The following VIRMA variants were observed in gnomAD, a reference collection of about 807,000 sequenced individuals.
VIRMA encodes the protein vir like m6A methyltransferase associated, also known as protein virilizer homolog.
A neutral mutation model predicts 182.4 loss-of-function variants in VIRMA; 65 were observed. The observed-to-expected ratio is 0.36, with a 90% CI of 0.29 to 0.44. VIRMA has a LOEUF of 0.44. VIRMA is among the 20% of genes least tolerant of loss of function. VIRMA has a pLI of 1.00. For missense variants in VIRMA, 1,752 were observed against 2,158.1 expected (o/e 0.81, Z 3.73); for synonymous variants, 709 against 743.1 (o/e 0.95, Z 0.75).
intron 4 of VIRMA, among the ~76,000 whole-genome samples, chr8:94,536,455 T>C (rs912648727): frequency 2.6e-5 from 4 of 152,212 alleles, no homozygotes; most frequent in African/African-American, 9.7e-5. Flanking sequence ...AAAGGAGAAA[T>C]ATGAAATATG....
intron 11 of VIRMA, among the ~76,000 whole-genome samples, chr8:94,512,758 C>T (rs897152611): frequency 6.6e-6 from 1 of 152,114 alleles, no homozygotes; most frequent in Non-Finnish European, 1.5e-5. Context: ...GCCTGGGTGA[C>T]ACAGTGAAAC....
intron 16 of VIRMA, 123 bp from the exon 17 acceptor site, chr8:94,499,629 A>T (rs1037518257): frequency 1.7e-5 from 11 of 641,790 alleles, no homozygotes; most frequent in Non-Finnish European, 2.7e-5. Context: ...AAATGCTAAG[A>T]AGTACTTTGG....
chr8:94,494,088 C>T (rs1036250326), intron 20 of VIRMA, among the ~76,000 whole-genome samples: 2 of 140,052 alleles, frequency 1.4e-5, no homozygotes, highest in African/African-American at 2.6e-5. Flanking sequence ...TTTCCCTGTT[C>T]TATACCCCGT....
chr8:94,495,736 G>A lies in VIRMA; in HGVS notation c.4539C>T (p.Asn1513=). The A allele has an allele frequency of 6.2e-7, 1 of 1,612,276 alleles. No homozygotes were observed. Among genetic ancestry groups the A allele is most frequent in the East Asian group, 2.2e-5 (1 of 44,794 alleles). ...SAPESLQNLF[N]NRTAYVLADV... is the part of the protein sequence containing the mutation. Reference sequence around the variant, plus strand: ...TAAAACATTGTGTATTTTACCTATTGTTAAACAGATTCTGAAGAGATTCTG... The same window carrying A: ...TAAAACATTGTGTATTTTACCTATTATTAAACAGATTCTGAAGAGATTCTG... The change falls in exon 19 of 24, where the codon AAC becomes AAT. Residue 1513 remains asparagine, a synonymous_variant. Coordinates refer to ENST00000297591, the MANE Select transcript of VIRMA (RefSeq NM_015496.5).
At position 94,519,402 on chromosome 8, in the gene VIRMA, C is replaced by G. The variant is rs1330219052; in HGVS notation, c.2096G>C (p.Gly699Ala). ...AACATCTTTTGTGGCTTGCAGCACA[C>G]CAGGGTGAGCACTTGTTACTGGAAT... ...LSIPVTSAHP[G>A]VLQATKDVLK... The change falls in exon 9 of 24, where the codon GGT (glycine) becomes GCT (alanine). Residue 699 changes from glycine (G) to alanine (A), a missense_variant. By Grantham distance (60) the Gly-to-Ala change is moderately conservative. Coordinates refer to ENST00000297591, the MANE Select transcript of VIRMA (RefSeq NM_015496.5). 1 of 1,546,558 alleles carries G rather than the reference C, an allele frequency of 6.5e-7. No individual in the cohort carries two copies. The highest frequency in any genetic ancestry group is 1.4e-5 in the African/African-American group (1 of 72,508).
At chr8:94,535,040 A>C (rs749898645) in intron 4 of VIRMA, 33 bp from the exon 5 acceptor site, 2 of 1,551,554 alleles carry the variant, frequency 1.3e-6, no homozygotes, top group East Asian at 2.3e-5. Context: ...AAAATCTTTC[A>C]AAGTCATGTT....
At chr8:94,520,986 G>T (rs777987044) in intron 8 of VIRMA, among the ~76,000 whole-genome samples, 59 of 152,028 alleles carry the variant, frequency 3.9e-4, no homozygotes, top group Non-Finnish European at 6.6e-4. Flanking sequence ...CTGGACTCAA[G>T]TGATCCTTTT....
At chr8:94,523,731 C>G (rs1814855773) in intron 8 of VIRMA, among the ~76,000 whole-genome samples, 1 of 151,550 alleles carries the variant, frequency 6.6e-6, no homozygotes. Context: ...TGGGTTCAAG[C>G]GATTCTCCTG....
At chr8:94,511,811 A>C in intron 12 of VIRMA, 82 bp from the exon 13 acceptor site, 1 of 784,990 alleles carries the variant, frequency 1.3e-6, no homozygotes, top group East Asian at 3.3e-5. Context: ...GTGAATATTT[A>C]ATATTTATGA....
intron 7 of VIRMA, among the ~76,000 whole-genome samples, chr8:94,527,839 T>G (rs1212872230): frequency 2.0e-5 from 3 of 152,206 alleles, no homozygotes; most frequent in Non-Finnish European, 2.9e-5. Context: ...CATTGTAGAT[T>G]CGTTTTATAA....
In VIRMA at chr8:94,509,832, T is replaced by G. The variant is rs754621892; in HGVS notation, c.3735A>C (p.Leu1245=). 6.2e-7 allele frequency: 1 copy of G among 1,614,072 alleles called. No homozygotes were observed. The highest frequency in any genetic ancestry group is 8.5e-7 in the Non-Finnish European group (1 of 1,179,960). ...CATCACCTTTAATAGTTCCATTAAT[T>G]AGATGCAAAATAGCTAATTTACAAG... is the stretch of plus-strand genomic sequence containing the variant. ...HKACKLAILH[L]INGTIKGDER... Residue 1245 remains leucine, a synonymous_variant, in exon 15 of 24, where the codon CTA becomes CTC. Coordinates refer to ENST00000297591, the MANE Select transcript of VIRMA (RefSeq NM_015496.5).
rs142487634 is a variant in VIRMA at position 94,540,546 on chromosome 8, C to T, written c.180-2200G>A. ...GTGGTACGATCTCAGCTCACCACAA[C>T]CTCCGCCTCTCAGGTTCAAGTGATC... On this transcript the variant is annotated intron_variant, in intron 2 of 23. Coordinates refer to ENST00000297591, the MANE Select transcript of VIRMA (RefSeq NM_015496.5). Among the ~76,000 whole-genome samples, 551 of 149,728 alleles carry T rather than the reference C, an allele frequency of 3.7e-3. 4 individuals are homozygous for T. The highest frequency in any genetic ancestry group is 6.3e-3 in the Non-Finnish European group (427 of 67,640).
At chr8:94,506,395 T>C (rs1814154978) in intron 16 of VIRMA, 105 bp downstream of exon 16, 2 of 713,484 alleles carry the variant, frequency 2.8e-6, no homozygotes, top group Non-Finnish European at 4.5e-6. Context: ...AAAGAAATCA[T>C]TTCTTCAACT....
At position 94,488,319 on chromosome 8, in the gene VIRMA, T is replaced by A. The variant is rs955204842; in HGVS notation, c.*387A>T. ...TATTAAGCTGTTGGATCTAACTGCTTAATAAACACAAGTATTAGATATTTC... is the reference window on the plus strand; with the variant it reads ...TATTAAGCTGTTGGATCTAACTGCTAAATAAACACAAGTATTAGATATTTC... On this transcript the variant is annotated 3_prime_UTR_variant, in exon 24 of 24. Transcript: ENST00000297591. The A allele has an allele frequency of 6.2e-6, 1 of 161,552 alleles. No homozygotes were observed. Among genetic ancestry groups the A allele is most frequent in the African/African-American group, 2.4e-5 (1 of 41,650 alleles). The allele number at this position is 161,552 out of a possible 1,614,324, so 10.0% of individuals were successfully genotyped here.
At chr8:94,492,893 A>G in intron 20 of VIRMA, 75 bp from the exon 21 acceptor site, 2 of 1,172,052 alleles carry the variant, frequency 1.7e-6, no homozygotes, top group Non-Finnish European at 2.4e-6. Flanking sequence ...AGAAATTCTT[A>G]TTACCTATAA....
chr8:94,492,010 C>T (rs1191920855), intron 21 of VIRMA, 101 bp from the exon 22 acceptor site: 26 of 848,352 alleles, frequency 3.1e-5, no homozygotes, highest in Non-Finnish European at 4.6e-5. Flanking sequence ...TTTTGTACTC[C>T]AATTCTGCTA....
intron 5 of VIRMA, 53 bp downstream of exon 5, chr8:94,534,786 T>C: frequency 6.3e-7 from 1 of 1,586,990 alleles, no homozygotes; most frequent in Non-Finnish European, 8.6e-7. Context: ...TATTTTTTTT[T>C]TTTAAACCAC....
intron 1 of VIRMA, 54 bp from the exon 2 acceptor site, chr8:94,543,996 G>C: frequency 1.2e-6 from 1 of 847,582 alleles, no homozygotes; most frequent in Non-Finnish European, 2.0e-6. Flanking sequence ...ATGTAAAACA[G>C]TTTCTCTATT....
chr8:94,528,533 T>C (rs960178218), intron 7 of VIRMA, among the ~76,000 whole-genome samples: 5 of 152,226 alleles, frequency 3.3e-5, no homozygotes, highest in African/African-American at 9.6e-5. Flanking sequence ...TTAGCTTGAG[T>C]ATCTCTCACT....
Sources: allele counts gnomAD v4.1 joint callset (sites outside exome capture counted in the v4.1 genomes callset), GRCh38; gene constraint gnomAD v4.1.1; transcripts MANE v1.5; gene names NCBI Gene and HGNC (gene_info 2026-07-23, HGNC 2026-07-21).